The following DPYD variants were observed in gnomAD, a reference collection of about 807,000 sequenced individuals.
The protein encoded by DPYD is dihydropyrimidine dehydrogenase [NADP(+)].
A neutral mutation model predicts 116.2 loss-of-function variants in DPYD; 109 were observed. That is an observed-to-expected ratio of 0.94 (90% CI 0.80 to 1.10). The LOEUF (loss-of-function observed/expected upper bound fraction) is 1.10, where lower values mean the gene tolerates loss of function less well. Ranked by LOEUF, DPYD falls within the 50% of genes least tolerant of loss-of-function variation. DPYD has a pLI of 0.00. For synonymous variants in DPYD, 440 were observed against 432.0 expected, an observed-to-expected ratio of 1.02 and a Z score of -0.23; for missense variants, 1,302 against 1,254.5, an observed-to-expected ratio of 1.04 and a Z score of -0.57.
chr1:97,506,696 G>A (rs528728258), intron 13 of DPYD, among the ~76,000 whole-genome samples: 114 of 151,994 alleles, frequency 7.5e-4, no homozygotes, highest in African/African-American at 2.6e-3. Context: ...CTAATTAACA[G>A]GTGTGAAATC....
At position 97,738,689 on chromosome 1, in the gene DPYD, G is replaced by A. The variant is rs112207578; in HGVS notation, c.321+1703C>T. On this transcript the variant is annotated intron_variant, in intron 4 of 22. Transcript: ENST00000370192. ...GTGATCCTTCAACAAAAAATTAGGA[G>A]AGTTTTTTTTTTTTTTGAGGTTTGA... 8.3e-3 allele frequency among the ~76,000 whole-genome samples: 1,233 copies of A among 149,302 alleles called. 17 individuals carry two copies. Among genetic ancestry groups the A allele is most frequent in the African/African-American group, 0.029 (1,165 of 40,446 alleles).
At chr1:97,282,073 T>A (rs1665357878) in intron 18 of DPYD, among the ~76,000 whole-genome samples, 1 of 152,104 alleles carries the variant, frequency 6.6e-6, no homozygotes, top group African/African-American at 2.4e-5. Flanking sequence ...TTTTATTGAC[T>A]TACCACTTGA....
chr1:97,640,737 C>T (rs1012748336), intron 8 of DPYD, among the ~76,000 whole-genome samples: 1 of 152,140 alleles, frequency 6.6e-6, no homozygotes, highest in African/African-American at 2.4e-5. Context: ...GAGTTTTCCA[C>T]AACTGCTACT....
At chr1:97,574,931 A>G (rs145367992) in intron 10 of DPYD, among the ~76,000 whole-genome samples, 1,618 of 152,296 alleles carry the variant, frequency 0.011, 14 homozygotes, top group Non-Finnish European at 0.02. Context: ...ACTAAGAGTT[A>G]TCTGAGCTTT....
At chr1:97,374,121 G>T (rs1424776451) in intron 15 of DPYD, among the ~76,000 whole-genome samples, 1 of 152,084 alleles carries the variant, frequency 6.6e-6, no homozygotes, top group Non-Finnish European at 1.5e-5. Context: ...CTGGGATTAG[G>T]CATACAAACA....
In DPYD at chr1:97,344,188, AAG is replaced by A. The variant is rs372083791; in HGVS notation, c.2058+29371_2058+29372del. ...GTCATTATTTCTTAAAAATAAAAAA[AAG>A]AGAGAGAGAGAGAGAGAATCTCGCC... On this transcript the variant is annotated intron_variant, in intron 16 of 22. Transcript: ENST00000370192. Among the ~76,000 whole-genome samples the A allele has an allele frequency of 6.6e-3, 995 of 151,018 alleles. 16 individuals are homozygous for A. The highest frequency in any genetic ancestry group is 0.022 in the African/African-American group (928 of 41,302).
chr1:97,699,577 A>T, intron 5 of DPYD, 30 bp from the exon 6 acceptor site: 1 of 1,604,604 alleles, frequency 6.2e-7, no homozygotes, highest in Non-Finnish European at 8.5e-7. Context: ...CATGGTTAAA[A>T]TTTTGAAACT....
intron 14 of DPYD, among the ~76,000 whole-genome samples, chr1:97,431,567 A>T (rs554145728): frequency 6.6e-6 from 1 of 152,148 alleles, no homozygotes; most frequent in African/African-American, 2.4e-5. Context: ...TCTTTCAATA[A>T]TTTTTATGGT....
chr1:97,506,090 C>T (rs1437458787), intron 13 of DPYD, among the ~76,000 whole-genome samples: 1 of 151,956 alleles, frequency 6.6e-6, no homozygotes. Flanking sequence ...ACATTAAGCA[C>T]ATTGCTAGTC....
At chr1:97,648,633 T>C (rs952846240) in intron 8 of DPYD, among the ~76,000 whole-genome samples, 4 of 152,030 alleles carry the variant, frequency 2.6e-5, no homozygotes, top group African/African-American at 9.7e-5. Context: ...TTATTCACTA[T>C]TGAAAGGTAA....
intron 10 of DPYD, among the ~76,000 whole-genome samples, chr1:97,587,378 T>C (rs1654199095): frequency 6.6e-6 from 1 of 152,228 alleles, no homozygotes; most frequent in Non-Finnish European, 1.5e-5. Flanking sequence ...TCAAATGACG[T>C]GCAGGTGCCA....
intron 13 of DPYD, among the ~76,000 whole-genome samples, chr1:97,498,037 C>T (rs1435770950): frequency 6.6e-6 from 1 of 151,668 alleles, no homozygotes; most frequent in African/African-American, 2.4e-5. Context: ...AAATATTATA[C>T]TAAATACATA....
rs927720645 is a variant in DPYD, at chr1:97,652,029, T to A, written c.850+27066A>T. ...CTGTAAAATCTTTCTCATTTTTTTT[T>A]ATTCTCTAAGTAAATAAATAATAGA... On this transcript the variant is annotated intron_variant, in intron 8 of 22. Transcript: ENST00000370192. Among the ~76,000 whole-genome samples, 3 of 151,594 alleles carry A rather than the reference T, an allele frequency of 2.0e-5. 1 individual carries two copies. Among genetic ancestry groups the A allele is most frequent in the South Asian group, 2.1e-4 (1 of 4,800 alleles).
At chr1:97,842,277 T>A (rs1351391679) in intron 2 of DPYD, among the ~76,000 whole-genome samples, 1 of 152,002 alleles carries the variant, frequency 6.6e-6, no homozygotes, top group African/African-American at 2.4e-5. Flanking sequence ...TATATTGTTA[T>A]CCTTGTTAGA....
intron 18 of DPYD, among the ~76,000 whole-genome samples, chr1:97,301,272 TG>T (rs1054284246): frequency 6.6e-5 from 10 of 152,060 alleles, no homozygotes; most frequent in African/African-American, 2.2e-4. Context: ...GTCTTAATAC[TG>T]AAAAAAATGT....
intron 16 of DPYD, among the ~76,000 whole-genome samples, chr1:97,342,501 C>A (rs894702097): frequency 6.6e-6 from 1 of 152,070 alleles, no homozygotes; most frequent in African/African-American, 2.4e-5. Context: ...TAAGCAAAGT[C>A]GACTTATGTT....
chr1:97,409,647 A>G (rs537274985), intron 14 of DPYD, among the ~76,000 whole-genome samples: 25 of 152,320 alleles, frequency 1.6e-4, no homozygotes, highest in African/African-American at 6.0e-4. Context: ...GCTTAGATTC[A>G]TTCACTGTGA....
At chr1:97,248,515 T>C (rs114027950) in intron 18 of DPYD, among the ~76,000 whole-genome samples, 1 of 152,296 alleles carries the variant, frequency 6.6e-6, no homozygotes, top group African/African-American at 2.4e-5. Context: ...ATGTCTTTAT[T>C]AGCAGTGTGA....
chr1:97,844,246 C>T (rs1185994958), intron 2 of DPYD, among the ~76,000 whole-genome samples: 1 of 152,164 alleles, frequency 6.6e-6, no homozygotes, highest in Non-Finnish European at 1.5e-5. Context: ...GTTTTCATCC[C>T]TGTTTTCTGG....
Sources: gnomAD v4.1 joint callset for allele counts (sites outside exome capture counted in the v4.1 genomes callset) on GRCh38, gnomAD v4.1.1 for gene constraint, MANE v1.5 for transcripts, NCBI Gene and HGNC (gene_info 2026-07-23, HGNC 2026-07-21) for gene names.